SEMA5A: variants seen among roughly 807,000 people sequenced by gnomAD.
SEMA5A encodes semaphorin 5A.
SEMA5A carries 55 observed loss-of-function variants against 135.5 expected under a neutral mutation model. That is an observed-to-expected ratio of 0.41 (90% CI 0.33 to 0.51). The LOEUF is 0.51. Among genes scored for constraint, SEMA5A ranks in the 20% least tolerant of loss-of-function variants. The probability of loss-of-function intolerance (pLI) is 0.37; values close to 1 mark genes in which losing one functional copy is unlikely to be tolerated. For synonymous variants in SEMA5A, 580 were observed against 546.5 expected, an observed-to-expected ratio of 1.06 and a Z score of -0.85; for missense variants, 1,290 against 1,419.9, an observed-to-expected ratio of 0.91 and a Z score of 1.47.
chr5:9,042,654 A>G lies in SEMA5A; in HGVS notation c.*243T>C. The G allele has an allele frequency of 2.2e-6, 1 of 449,664 alleles. No homozygotes were observed. The highest frequency in any genetic ancestry group is 4.2e-5 in the Admixed American group (1 of 23,832). The allele number at this position is 449,664 out of a possible 1,614,324, so 27.9% of individuals were successfully genotyped here. On this transcript the variant is annotated 3_prime_UTR_variant, in exon 23 of 23. Coordinates refer to ENST00000382496, the MANE Select transcript of SEMA5A (RefSeq NM_003966.3). ...TGGACTTGTCAGAAAAATAGGATGAACACAATTAAAAACTTCACACCCTGG... is the reference window on the plus strand; with the variant it reads ...TGGACTTGTCAGAAAAATAGGATGAGCACAATTAAAAACTTCACACCCTGG...
Position 9,039,624 on chromosome 5 carries a change from A to AAGTC in SEMA5A, c.*3269_*3272dup, listed in dbSNP as rs1301846968. Reference sequence around the variant, plus strand: ...ATGAAGAAGCTGAGATGCCTCATGTAAGTCACAAGAAGCAGCAGCATAGAA... The same window carrying AAGTC: ...ATGAAGAAGCTGAGATGCCTCATGTAAGTCAGTCACAAGAAGCAGCAGCATAGAA... On this transcript the variant is annotated 3_prime_UTR_variant, in exon 23 of 23. Coordinates refer to ENST00000382496, the MANE Select transcript of SEMA5A (RefSeq NM_003966.3). 6.6e-6 allele frequency: 1 copy of AAGTC among 152,284 alleles called. No homozygotes were observed. Among genetic ancestry groups the AAGTC allele is most frequent in the African/African-American group, 2.4e-5 (1 of 41,462 alleles). 9.4% of individuals were successfully genotyped at this position (152,284 alleles called of 1,614,324 possible).
chr5:9,248,127 A>C (rs1748571000), intron 5 of SEMA5A, among the ~76,000 whole-genome samples: 1 of 152,168 alleles, frequency 6.6e-6, no homozygotes, highest in African/African-American at 2.4e-5. Context: ...CATTACTATT[A>C]TTAAGATGTT....
intron 11 of SEMA5A, among the ~76,000 whole-genome samples, chr5:9,164,263 AT>A (rs1743483220): frequency 7.0e-6 from 1 of 142,968 alleles, no homozygotes; most frequent in South Asian, 2.1e-4. Context: ...AATTATAAAT[AT>A]ATGATATAAA....
chr5:9,383,754 T>A (rs1013935301), intron 2 of SEMA5A, among the ~76,000 whole-genome samples: 3 of 152,216 alleles, frequency 2.0e-5, no homozygotes. Context: ...GACCTGCTTG[T>A]GACCGCAACT....
At chr5:9,373,782 A>G (rs1755241095) in intron 3 of SEMA5A, among the ~76,000 whole-genome samples, 1 of 152,232 alleles carries the variant, frequency 6.6e-6, no homozygotes, top group Non-Finnish European at 1.5e-5. Context: ...AAAGTACAGC[A>G]TGACTCACAT....
chr5:9,229,034 T>C (rs769420902), intron 6 of SEMA5A, among the ~76,000 whole-genome samples: 13 of 152,148 alleles, frequency 8.5e-5, no homozygotes, highest in Admixed American at 2.6e-4. Flanking sequence ...CAAATGATCC[T>C]CCCACCTTGG....
At chr5:9,382,607 C>A (rs143825964) in intron 2 of SEMA5A, among the ~76,000 whole-genome samples, 1 of 152,240 alleles carries the variant, frequency 6.6e-6, no homozygotes, top group African/African-American at 2.4e-5. Context: ...GGGTTAATTT[C>A]ATGGAAGTTG....
intron 5 of SEMA5A, among the ~76,000 whole-genome samples, chr5:9,292,435 C>A (rs1380147373): frequency 6.6e-6 from 1 of 152,052 alleles, no homozygotes; most frequent in African/African-American, 2.4e-5. Flanking sequence ...GGACACACAC[C>A]CAGTAAGTTG....
intron 1 of SEMA5A, among the ~76,000 whole-genome samples, chr5:9,527,799 C>A (rs1439857758): frequency 6.6e-6 from 1 of 152,116 alleles, no homozygotes; most frequent in African/African-American, 2.4e-5. Context: ...TTCCTCAGGT[C>A]CTCACAGCTA....
At chr5:9,432,947 G>A (rs889888838) in intron 2 of SEMA5A, among the ~76,000 whole-genome samples, 8 of 152,090 alleles carry the variant, frequency 5.3e-5, no homozygotes, top group African/African-American at 1.9e-4. Context: ...ATAGTCATAG[G>A]TTATATAAAA....
intron 16 of SEMA5A, among the ~76,000 whole-genome samples, chr5:9,094,210 A>G (rs1268621556): frequency 6.6e-6 from 1 of 152,268 alleles, no homozygotes; most frequent in Non-Finnish European, 1.5e-5. Context: ...TTGACTAAAT[A>G]CATAGATGAA....
At position 9,215,250 on chromosome 5, in the gene SEMA5A, GA is replaced by G. The variant is rs1239587099; in HGVS notation, c.646+9423del. ...ACAGATTTACCAGCAGTAGAAGAAA[GA>G]GCATTAAGATTGTCAGCAGAAAGTA... is the stretch of plus-strand genomic sequence containing the variant. On this transcript the variant is annotated intron_variant, in intron 8 of 22. Coordinates refer to ENST00000382496, the MANE Select transcript of SEMA5A (RefSeq NM_003966.3). Among the ~76,000 whole-genome samples the G allele has an allele frequency of 1.9e-4, 29 of 152,214 alleles. 1 individual carries two copies.
chr5:9,234,027 T>C (rs1806011), intron 6 of SEMA5A, among the ~76,000 whole-genome samples: 10,052 of 152,310 alleles, frequency 0.066, 372 homozygotes, highest in Middle Eastern at 0.2. Flanking sequence ...TTTGTAATTC[T>C]GTTCTCATAA....
chr5:9,330,245 C>T (rs1004199467), intron 4 of SEMA5A, among the ~76,000 whole-genome samples: 2 of 151,916 alleles, frequency 1.3e-5, no homozygotes, highest in Non-Finnish European at 2.9e-5. Flanking sequence ...AAAAAATTAG[C>T]CGGGCGTGGT....
intron 7 of SEMA5A, among the ~76,000 whole-genome samples, chr5:9,226,619 G>C (rs1280051514): frequency 6.6e-6 from 1 of 152,126 alleles, no homozygotes; most frequent in African/African-American, 2.4e-5. Context: ...AAAAATGCTG[G>C]TTGGAATAGT....
At chr5:9,154,093 A>ATATATATATGTGTG (rs372321939) in intron 12 of SEMA5A, among the ~76,000 whole-genome samples, 2 of 73,512 alleles carry the variant, frequency 2.7e-5, no homozygotes, top group African/African-American at 1.1e-4. Flanking sequence ...ATATATATAT[A>ATATATATATGTGTG]TGTGTGTGTG....
intron 2 of SEMA5A, among the ~76,000 whole-genome samples, chr5:9,391,886 C>T (rs547794718): frequency 1.3e-5 from 2 of 152,284 alleles, no homozygotes; most frequent in African/African-American, 4.8e-5. Context: ...ATCCTGACCC[C>T]ACCAACAAAC....
chr5:9,197,297 G>A lies in SEMA5A; in HGVS notation c.939C>T (p.Ser313=), dbSNP rs757272659. The change falls in exon 10 of 23, where the codon AGC becomes AGT. Residue 313 remains serine, a synonymous_variant. Transcript: ENST00000382496. ...IYGIFTTNVN[S]IAASAVCVFN... The stretch of plus-strand genomic sequence containing the variant: ...AGACGCACACAGCTGAGGCCGCAAT[G>A]CTGTTCCTGGGAGCGGAGGGAGAGA... The A allele has an allele frequency of 3.7e-6, 6 of 1,609,348 alleles. No homozygotes were observed. In the Admixed American group the frequency reaches 1.0e-4, roughly 27 times the overall value.
chr5:9,487,435 G>A (rs1734789320), intron 1 of SEMA5A, among the ~76,000 whole-genome samples: 1 of 152,140 alleles, frequency 6.6e-6, no homozygotes, highest in African/African-American at 2.4e-5. Flanking sequence ...CCAACCATGG[G>A]AATCGGCTCC....
Sources: gnomAD v4.1 joint callset for allele counts (sites outside exome capture counted in the v4.1 genomes callset) on GRCh38, gnomAD v4.1.1 for gene constraint, MANE v1.5 for transcripts, NCBI Gene and HGNC (gene_info 2026-07-23, HGNC 2026-07-21) for gene names.